Variants in SMOC2 observed in about 807,000 individuals in gnomAD.
The protein encoded by SMOC2 is SPARC-related modular calcium-binding protein 2.
A neutral mutation model predicts 61.4 loss-of-function variants in SMOC2; 39 were observed. The observed-to-expected ratio is 0.64, with a 90% CI of 0.49 to 0.83. SMOC2 has a LOEUF of 0.83. Among genes scored for constraint, SMOC2 ranks in the 40% least tolerant of loss-of-function variants. SMOC2 has a pLI of 0.00. For synonymous variants in SMOC2, 247 were observed against 239.9 expected, an observed-to-expected ratio of 1.03 and a Z score of -0.27; for missense variants, 556 against 592.9, an observed-to-expected ratio of 0.94 and a Z score of 0.65.
rs545027447 is a variant in SMOC2, at chr6:168,514,658, A to G, written c.256+4572A>G. Among the ~76,000 whole-genome samples, 3 of 152,372 alleles carry G rather than the reference A, an allele frequency of 2.0e-5. No homozygotes were observed. In the East Asian group the frequency reaches 5.8e-4, roughly 29 times the overall value. ...TGTACTCTTCAGAGAAGTTTTTACA[A>G]GTGATCGCCTATGAAGTCTTAGCTT... On this transcript the variant is annotated intron_variant, in intron 2 of 12. Transcript: ENST00000356284.
At chr6:168,523,699 G>A (rs531227176) in intron 2 of SMOC2, among the ~76,000 whole-genome samples, 4 of 152,072 alleles carry the variant, frequency 2.6e-5, no homozygotes, top group East Asian at 1.9e-4. Flanking sequence ...GCACCTGGCC[G>A]TCATACAGTA....
In SMOC2 at chr6:168,453,653, TCTGTCTCTTC is replaced by T. The variant is rs1781515779; in HGVS notation, c.84+12209_84+12218del. On this transcript the variant is annotated intron_variant, in intron 1 of 12. Transcript: ENST00000356284. The surrounding 1 kb of genome is among the most constrained non-coding windows in gnomAD (Gnocchi z 4.4). The stretch of plus-strand genomic sequence containing the variant: ...CTTTGTCTCTCTCTGTCTCTTTCTC[TCTGTCTCTTC>T]CTGTCTCTTTCTGTCTCTGTCTCTC... Among the ~76,000 whole-genome samples, 1 of 152,090 alleles carries T rather than the reference TCTGTCTCTTC, an allele frequency of 6.6e-6. No individual in the cohort carries two copies. The highest frequency in any genetic ancestry group is 2.4e-5 in the African/African-American group (1 of 41,404).
rs1355244682 is a variant in SMOC2 at position 168,453,894 on chromosome 6, CTCTT to C, written c.84+12444_84+12447del. 1.3e-5 allele frequency among the ~76,000 whole-genome samples: 2 copies of C among 151,632 alleles called. No individual in the cohort carries two copies. The highest frequency in any genetic ancestry group is 4.8e-5 in the African/African-American group (2 of 41,252). On this transcript the variant is annotated intron_variant, in intron 1 of 12. Transcript: ENST00000356284. This position sits in a 1 kb window ranked among gnomAD's most constrained non-coding sequence, Gnocchi z 4.4. ...ATTCTCCATCTCTGTCTCTCTATCT[CTCTT>C]TCTCTCTGTCTTCCTCTCTCTCTGT... is the stretch of plus-strand genomic sequence containing the variant.
intron 11 of SMOC2, among the ~76,000 whole-genome samples, chr6:168,662,364 T>C (rs546473293): frequency 2.6e-5 from 4 of 152,264 alleles, no homozygotes; most frequent in South Asian, 2.1e-4. Context: ...GAGGAGGCCC[T>C]GCAAGGTGCG....
intron 2 of SMOC2, among the ~76,000 whole-genome samples, chr6:168,523,098 T>TTTTTTTTTTTTTTTTG (rs1562569015): frequency 1.7e-5 from 2 of 117,530 alleles, no homozygotes; most frequent in Non-Finnish European, 4.0e-5. Context: ...TTTTTTTTTT[T>TTTTTTTTTTTTTTTTG]TGAGACGGAG....
At chr6:168,457,363 T>TC (rs1303397422) in intron 1 of SMOC2, among the ~76,000 whole-genome samples, 1 of 151,962 alleles carries the variant, frequency 6.6e-6, no homozygotes, top group Admixed American at 6.6e-5. Flanking sequence ...AACCCCACCT[T>TC]CAACACAAGC....
In SMOC2 at chr6:168,475,756, G is replaced by A. The variant is rs73270992; in HGVS notation, c.85-34159G>A. Among the ~76,000 whole-genome samples, 628 of 152,268 alleles carry A rather than the reference G, an allele frequency of 4.1e-3. 9 individuals are homozygous for A. The highest frequency in any genetic ancestry group is 0.014 in the African/African-American group (589 of 41,566). Reference sequence around the variant, plus strand: ...TTAGAAGAAGAAGTAGTGAAGGGCAGTATTGGTGGAATAGGCAGGAGAGGG... The same window carrying A: ...TTAGAAGAAGAAGTAGTGAAGGGCAATATTGGTGGAATAGGCAGGAGAGGG... On this transcript the variant is annotated intron_variant, in intron 1 of 12. Transcript: ENST00000356284. The surrounding 1 kb of genome is among the most constrained non-coding windows in gnomAD (Gnocchi z 4.6).
At chr6:168,465,112 T>C (rs1340096355) in intron 1 of SMOC2, among the ~76,000 whole-genome samples, 1 of 152,274 alleles carries the variant, frequency 6.6e-6, no homozygotes, top group African/African-American at 2.4e-5. Flanking sequence ...TGCCCAGCGG[T>C]TGTCTGCTGC....
intron 9 of SMOC2, among the ~76,000 whole-genome samples, chr6:168,626,729 C>T (rs1454050221): frequency 6.6e-6 from 1 of 152,206 alleles, no homozygotes; most frequent in Non-Finnish European, 1.5e-5. Flanking sequence ...GTTTAACGGC[C>T]TGTGTATCTT....
In SMOC2 at chr6:168,501,429, C is replaced by T. The variant is rs1184118244; in HGVS notation, c.85-8486C>T. On this transcript the variant is annotated intron_variant, in intron 1 of 12. Coordinates refer to ENST00000356284, the MANE Select transcript of SMOC2 (RefSeq NM_001166412.2). ...CGTCCCTTGCTGCGGTGCCAGGAAC[C>T]TGCATTGTCCATCCCTCGCTATGGG... Among the ~76,000 whole-genome samples, 3 of 152,018 alleles carry T rather than the reference C, an allele frequency of 2.0e-5. No individual in the cohort carries two copies. The South Asian group carries it at 6.2e-4, about 32-fold the overall frequency.
At chr6:168,642,090 T>C (rs1250227826) in intron 9 of SMOC2, among the ~76,000 whole-genome samples, 1 of 152,196 alleles carries the variant, frequency 6.6e-6, no homozygotes, top group Non-Finnish European at 1.5e-5. Context: ...TTTCATTGGA[T>C]AAAAGAAAAA....
intron 1 of SMOC2, among the ~76,000 whole-genome samples, chr6:168,445,833 A>G (rs112897304): frequency 1.3e-3 from 197 of 152,350 alleles, no homozygotes; most frequent in African/African-American, 4.6e-3. Flanking sequence ...TTTGCTGTGA[A>G]ATCAAGACCG....
intron 9 of SMOC2, among the ~76,000 whole-genome samples, chr6:168,644,392 T>C (rs977469618): frequency 6.6e-6 from 1 of 152,186 alleles, no homozygotes; most frequent in Non-Finnish European, 1.5e-5. Flanking sequence ...TAGCTGTTTG[T>C]GAAAAGACCC....
chr6:168,608,258 T>C lies in SMOC2; in HGVS notation c.907+19T>C. 1 of 1,607,766 alleles carries C rather than the reference T, an allele frequency of 6.2e-7. No individual in the cohort carries two copies. The highest frequency in any genetic ancestry group is 1.7e-4 in the Middle Eastern group (1 of 6,042). ...CTACAAGGTGAGCAGCACCCGCGAG[T>C]GTGGCCCGAATCCACAGGCCCCACC... On this transcript the variant is annotated intron_variant, in intron 9 of 12. Transcript: ENST00000356284.
chr6:168,460,580 T>A (rs1781698878), intron 1 of SMOC2, among the ~76,000 whole-genome samples: 1 of 152,202 alleles, frequency 6.6e-6, no homozygotes, highest in Non-Finnish European at 1.5e-5. Context: ...AATTTTATAA[T>A]AGGGCATCTG....
intron 7 of SMOC2, among the ~76,000 whole-genome samples, chr6:168,557,988 G>T (rs536905637): frequency 6.6e-6 from 1 of 152,340 alleles, no homozygotes; most frequent in African/African-American, 2.4e-5. Context: ...CAGTTCCAGA[G>T]CTGCTGGCCT....
intron 4 of SMOC2, among the ~76,000 whole-genome samples, chr6:168,531,561 G>T (rs1028616061): frequency 1.1e-4 from 17 of 152,170 alleles, no homozygotes; most frequent in African/African-American, 3.9e-4. Context: ...AGACCCAGGG[G>T]GGATTTGGGG....
intron 1 of SMOC2, among the ~76,000 whole-genome samples, chr6:168,457,881 G>A (rs1202077681): frequency 2.6e-5 from 4 of 151,998 alleles, no homozygotes; most frequent in African/African-American, 4.8e-5. Context: ...GGTATTTCAC[G>A]GTCATTTCAA....
intron 7 of SMOC2, among the ~76,000 whole-genome samples, chr6:168,554,500 G>A (rs901839361): frequency 6.6e-6 from 1 of 152,178 alleles, no homozygotes; most frequent in African/African-American, 2.4e-5. Flanking sequence ...GGGCTCCTGG[G>A]CAGCCTGCCC....
Sources: allele counts gnomAD v4.1 joint callset (sites outside exome capture counted in the v4.1 genomes callset), GRCh38; gene constraint gnomAD v4.1.1; non-coding constraint Gnocchi (gnomAD v3.1); transcripts MANE v1.5; gene names NCBI Gene and HGNC (gene_info 2026-07-23, HGNC 2026-07-21).